CSF2RA: variants seen among roughly 807,000 people sequenced by gnomAD.
The protein encoded by CSF2RA is colony stimulating factor 2 receptor subunit alpha.
A neutral mutation model predicts 51.6 loss-of-function variants in CSF2RA; 42 were observed. That is an observed-to-expected ratio of 0.81 (90% CI 0.64 to 1.05). The LOEUF is 1.05. Ranked by LOEUF, CSF2RA falls within the 50% of genes least tolerant of loss-of-function variation. CSF2RA has a pLI of 0.00. For missense variants in CSF2RA, 530 were observed against 501.1 expected (o/e 1.06, Z -0.55); for synonymous variants, 222 against 193.0 (o/e 1.15, Z -1.24).
chrX:1,314,274 CCCAACCCCACTGCAT>C (rs1427587496), downstream of CSF2RA, among the ~76,000 whole-genome samples: 52 of 82,048 alleles, frequency 6.3e-4, 1 homozygote, highest in African/African-American at 1.8e-3. Flanking sequence ...ACTGCGCCTG[CCCAACCCCACTGCAT>C]CTGCCCAACC....
chrX:1,290,594 G>T lies in CSF2RA; in HGVS notation c.646+85G>T, dbSNP rs1237558416. 3 of 1,335,694 alleles carry T rather than the reference G, an allele frequency of 2.2e-6. No individual in the cohort carries two copies. In the African/African-American group the frequency reaches 4.3e-5, roughly 19 times the overall value. The allele number at this position is 1,335,694 out of a possible 1,614,324, so 82.7% of individuals were successfully genotyped here. Reference sequence around the variant, plus strand: ...ATCTGTGTAACTGAGGCCACGTGCGGTGTCTCACACCTGTAATCTCAGCAC... The same window carrying T: ...ATCTGTGTAACTGAGGCCACGTGCGTTGTCTCACACCTGTAATCTCAGCAC... On this transcript the variant is annotated intron_variant, in intron 7 of 12. Coordinates refer to ENST00000381529, the MANE Select transcript of CSF2RA (RefSeq NM_172245.4).
the CSF2RA span, among the ~76,000 whole-genome samples, chrX:1,316,269 GATAGATAGA>G: frequency 9.5e-5 from 13 of 136,152 alleles, no homozygotes; most frequent in East Asian, 2.0e-4. Context: ...ATGATAGATA[GATAGATAGA>G]TAGATAGATA....
downstream of CSF2RA, among the ~76,000 whole-genome samples, chrX:1,311,117 C>T (rs770394493): frequency 2.8e-4 from 42 of 151,758 alleles, no homozygotes; most frequent in African/African-American, 8.9e-4. Context: ...GGTGTGGTGG[C>T]GGCCACCTGT....
At chrX:1,310,683 AAAT>A (rs1371496361), downstream of CSF2RA, among the ~76,000 whole-genome samples, 4 of 138,806 alleles carry the variant, frequency 2.9e-5, no homozygotes, top group South Asian at 2.6e-4. Context: ...AAAAAAAAAA[AAAT>A]TATTATTGTA....
At chrX:1,284,956 C>T (rs111460539) in intron 3 of CSF2RA, among the ~76,000 whole-genome samples, 17 of 151,966 alleles carry the variant, frequency 1.1e-4, no homozygotes, top group Non-Finnish European at 2.2e-4. Context: ...CATGAGCCAC[C>T]GCGCCTGGCC....
downstream of CSF2RA, among the ~76,000 whole-genome samples, chrX:1,314,452 GCACTGCACCTGCCCAACCC>G (rs1569514867): frequency 2.2e-5 from 1 of 44,680 alleles, no homozygotes; most frequent in Admixed American, 2.4e-4. Flanking sequence ...TTGCCCAATT[GCACTGCACCTGCCCAACCC>G]CAATGCACCT....
At chrX:1,314,242 C>CG, downstream of CSF2RA, among the ~76,000 whole-genome samples, 1 of 109,186 alleles carries the variant, frequency 9.2e-6, no homozygotes, top group Admixed American at 9.5e-5. Context: ...CCTGCCCAAC[C>CG]CCACTGCACC....
At chrX:1,322,447 T>G in the CSF2RA span, among the ~76,000 whole-genome samples, 2 of 89,494 alleles carry the variant, frequency 2.2e-5, no homozygotes, top group East Asian at 2.1e-4. Flanking sequence ...TTGTTTTTTT[T>G]TTTTTTTTTT....
intron 2 of CSF2RA, among the ~76,000 whole-genome samples, chrX:1,279,882 T>C (rs1343447086): frequency 6.6e-5 from 10 of 151,538 alleles, no homozygotes; most frequent in Non-Finnish European, 1.3e-4. Context: ...CTCCACCTCC[T>C]GGGTTCAAGC....
At chrX:1,309,048 G>C (rs775690164) in intron 12 of CSF2RA, among the ~76,000 whole-genome samples, 4 of 152,210 alleles carry the variant, frequency 2.6e-5, no homozygotes, top group South Asian at 4.1e-4. Context: ...GGCCAACATG[G>C]TAAAACCCCA....
chrX:1,308,182 T>G (rs2083871209), intron 12 of CSF2RA, among the ~76,000 whole-genome samples: 1 of 152,132 alleles, frequency 6.6e-6, no homozygotes, highest in Non-Finnish European at 1.5e-5. Context: ...AGCCCCTTCG[T>G]AGCAGCCGCT....
intron 10 of CSF2RA, among the ~76,000 whole-genome samples, chrX:1,302,564 G>C (rs2083100434): frequency 6.6e-6 from 1 of 152,144 alleles, no homozygotes; most frequent in Non-Finnish European, 1.5e-5. Flanking sequence ...GAGTGCAATG[G>C]CACGATCTCA....
downstream of CSF2RA, among the ~76,000 whole-genome samples, chrX:1,314,970 G>GCCCAACCCCACGGCACC (rs1569515166): frequency 8.9e-6 from 1 of 112,604 alleles, no homozygotes; most frequent in South Asian, 2.8e-4. Context: ...CAACCCCACT[G>GCCCAACCCCACGGCACC]TGCCTGCCCA....
chrX:1,289,303 T>C (rs1233032514), intron 6 of CSF2RA, among the ~76,000 whole-genome samples: 20 of 152,082 alleles, frequency 1.3e-4, no homozygotes, highest in African/African-American at 4.6e-4. Context: ...AATTTTTGTA[T>C]TTTTAGTAGA....
chrX:1,277,716 C>G (rs1472397993), intron 2 of CSF2RA, among the ~76,000 whole-genome samples: 1 of 151,018 alleles, frequency 6.6e-6, no homozygotes, highest in Non-Finnish European at 1.5e-5. Context: ...GTGGCTCATG[C>G]CTGTAATCCC....
Position 1,300,407 on chromosome X carries a change from C to T in CSF2RA, c.811-84C>T, listed in dbSNP as rs28567066. ...AGAAAAAAAGAAAAGGAGAAAAAAA[C>T]TTAAAAGACAAAAGAACGAAAAAAG... is the stretch of plus-strand genomic sequence containing the variant. On this transcript the variant is annotated intron_variant, in intron 9 of 12. Transcript: ENST00000381529. The T allele has an allele frequency of 0.64, 962,255 of 1,508,682 alleles. 311,188 individuals are homozygous for T. Among genetic ancestry groups the T allele is most frequent in the African/African-American group, 0.89 (63,079 of 71,138 alleles). The allele number at this position is 1,508,682 out of a possible 1,614,324, so 93.5% of individuals were successfully genotyped here. A position where few individuals can be genotyped will look rare whatever the true frequency, so the allele number is the denominator to read the frequency against.
chrX:1,314,024 A>T (rs1396922726), downstream of CSF2RA, among the ~76,000 whole-genome samples: 1 of 151,864 alleles, frequency 6.6e-6, no homozygotes. Flanking sequence ...AAATTAAATT[A>T]AAATAAAATT....
chrX:1,302,003 G>A (rs1256111228), intron 10 of CSF2RA, among the ~76,000 whole-genome samples: 7 of 143,812 alleles, frequency 4.9e-5, no homozygotes, highest in East Asian at 2.1e-4. Context: ...CGCGATCTCC[G>A]CCTCCCAGGT....
At chrX:1,271,461 T>A (rs1340024386) in intron 1 of CSF2RA, among the ~76,000 whole-genome samples, 2 of 151,262 alleles carry the variant, frequency 1.3e-5, no homozygotes, top group African/African-American at 4.9e-5. Flanking sequence ...TGCATTAGCC[T>A]CCTGAGTAGC....
Sources: allele counts gnomAD v4.1 joint callset (sites outside exome capture counted in the v4.1 genomes callset), GRCh38; gene constraint gnomAD v4.1.1; transcripts MANE v1.5; gene names NCBI Gene and HGNC (gene_info 2026-07-23, HGNC 2026-07-21).